The following ERBB4 variants were observed in gnomAD, a reference collection of about 807,000 sequenced individuals.
ERBB4 encodes the protein receptor tyrosine-protein kinase erbB-4.
ERBB4 carries 42 observed loss-of-function variants against 158.0 expected under a neutral mutation model. The ratio of observed to expected loss-of-function variants is 0.27; its 90% CI spans 0.21 to 0.34. The LOEUF is 0.34. Ranked by LOEUF, ERBB4 falls within the 10% of genes least tolerant of loss-of-function variation. The pLI, the probability that ERBB4 is intolerant of heterozygous loss-of-function variation, is 1.00. For synonymous variants in ERBB4, 583 were observed against 558.7 expected, an observed-to-expected ratio of 1.04 and a Z score of -0.61; for missense variants, 1,333 against 1,624.1, an observed-to-expected ratio of 0.82 and a Z score of 3.08.
chr2:212,375,531 T>A (rs538067319), intron 1 of ERBB4, among the ~76,000 whole-genome samples: 11 of 152,222 alleles, frequency 7.2e-5, no homozygotes, highest in Admixed American at 3.9e-4. Flanking sequence ...GCTGGGCAAC[T>A]ACATATCTGA....
intron 3 of ERBB4, among the ~76,000 whole-genome samples, chr2:211,900,373 AACAC>A (rs72160363): frequency 0.026 from 3,812 of 148,582 alleles, 157 homozygotes; most frequent in African/African-American, 0.088. Context: ...TTTATGTTTA[AACAC>A]ACACACACAC....
At chr2:212,146,873 T>C (rs1273851324) in intron 1 of ERBB4, among the ~76,000 whole-genome samples, 1 of 151,864 alleles carries the variant, frequency 6.6e-6, no homozygotes, top group African/African-American at 2.4e-5. Context: ...AGAATCTCTC[T>C]ATCTAAAAAG....
intron 3 of ERBB4, among the ~76,000 whole-genome samples, chr2:211,875,025 C>CAAAAAAA (rs746636278): frequency 8.9e-4 from 24 of 27,002 alleles, no homozygotes; most frequent in South Asian, 1.9e-3. Flanking sequence ...AATAGAAATG[C>CAAAAAAA]AAAAAAAAAA....
chr2:211,645,880 T>C (rs886822140), intron 16 of ERBB4, among the ~76,000 whole-genome samples: 2 of 151,768 alleles, frequency 1.3e-5, no homozygotes, highest in Non-Finnish European at 3.0e-5. Flanking sequence ...TATTTTCATG[T>C]ATTTTAATTA....
intron 19 of ERBB4, among the ~76,000 whole-genome samples, chr2:211,562,795 G>T (rs372579777): frequency 4.8e-5 from 5 of 103,196 alleles, no homozygotes; most frequent in South Asian, 4.9e-4. Flanking sequence ...TTTTTGAGAC[G>T]GAGTCTCGCT....
At chr2:212,013,212 A>G (rs1291273057) in intron 2 of ERBB4, among the ~76,000 whole-genome samples, 6 of 151,728 alleles carry the variant, frequency 4.0e-5, no homozygotes, top group African/African-American at 1.5e-4. Flanking sequence ...ACTCACCCCA[A>G]CGCCCAACTA....
chr2:211,988,674 T>A lies in ERBB4; in HGVS notation c.235-41058A>T, dbSNP rs7566569. On this transcript the variant is annotated intron_variant, in intron 2 of 27. Transcript: ENST00000342788. ...TCCAGTGAGCCCAGTTAATGTTACA[T>A]CATCTACCCAAGCAAAAGACTATGC... 3.7e-3 allele frequency among the ~76,000 whole-genome samples: 556 copies of A among 152,172 alleles called. 2 individuals carry two copies. The highest frequency in any genetic ancestry group is 0.013 in the African/African-American group (531 of 41,582).
intron 1 of ERBB4, among the ~76,000 whole-genome samples, chr2:212,474,882 T>C (rs550252278): frequency 7.1e-6 from 1 of 140,624 alleles, no homozygotes; most frequent in African/African-American, 2.7e-5. Context: ...AACCTCCTGA[T>C]GGGCTCAAGG....
intron 19 of ERBB4, among the ~76,000 whole-genome samples, chr2:211,587,919 C>T (rs74824022): frequency 0.011 from 1,669 of 152,144 alleles, 39 homozygotes; most frequent in African/African-American, 0.038. Flanking sequence ...TTCTTAATTG[C>T]GGCATTGTTT....
intron 19 of ERBB4, among the ~76,000 whole-genome samples, chr2:211,580,899 AT>A (rs1274124455): frequency 7.2e-4 from 4 of 5,584 alleles, no homozygotes; most frequent in African/African-American, 2.4e-3. Context: ...ATATATATAT[AT>A]ATATATATAT....
At chr2:211,744,304 T>A (rs2074894207) in intron 5 of ERBB4, among the ~76,000 whole-genome samples, 1 of 152,262 alleles carries the variant, frequency 6.6e-6, no homozygotes, top group African/African-American at 2.4e-5. Context: ...TTACTGAAAA[T>A]GTACTAACTT....
intron 1 of ERBB4, among the ~76,000 whole-genome samples, chr2:212,392,162 C>G (rs574428479): frequency 2.6e-5 from 4 of 151,930 alleles, no homozygotes; most frequent in African/African-American, 9.6e-5. Flanking sequence ...CTCTGTTTCT[C>G]CTAATCCATA....
chr2:212,027,379 T>C (rs763983657), intron 2 of ERBB4, among the ~76,000 whole-genome samples: 6 of 152,120 alleles, frequency 3.9e-5, no homozygotes, highest in Non-Finnish European at 5.9e-5. Context: ...GTATTTATTT[T>C]TTTATTTCAT....
chr2:212,051,682 G>A (rs1030516392), intron 2 of ERBB4, among the ~76,000 whole-genome samples: 3 of 152,068 alleles, frequency 2.0e-5, no homozygotes, highest in Non-Finnish European at 4.4e-5. Context: ...AAACTATAAT[G>A]TGGTCACTTT....
intron 20 of ERBB4, among the ~76,000 whole-genome samples, chr2:211,501,250 A>G (rs1367820420): frequency 6.6e-6 from 1 of 151,946 alleles, no homozygotes; most frequent in Non-Finnish European, 1.5e-5. Flanking sequence ...ACAAAAATAT[A>G]TTTAGATGGA....
intron 1 of ERBB4, among the ~76,000 whole-genome samples, chr2:212,206,586 G>GTTTTTTTTTT (rs1393759656): frequency 4.5e-5 from 3 of 66,760 alleles, no homozygotes; most frequent in African/African-American, 9.9e-5. Flanking sequence ...CGTCTGTTCT[G>GTTTTTTTTTT]TTCTTTTTTT....
At position 211,577,425 on chromosome 2, in the gene ERBB4, A is replaced by G. The variant is rs115022705; in HGVS notation, c.2302-15337T>C. 2.9e-3 allele frequency among the ~76,000 whole-genome samples: 439 copies of G among 152,228 alleles called. 1 individual carries two copies. Among genetic ancestry groups the G allele is most frequent in the Middle Eastern group, 0.01 (3 of 294 alleles). ...TCAAGTACCTTGTCTTGCGGTGGAT[A>G]AAAATATGATCTACATTCTTCCCTA... On this transcript the variant is annotated intron_variant, in intron 19 of 27. Coordinates refer to ENST00000342788, the MANE Select transcript of ERBB4 (RefSeq NM_005235.3).
intron 2 of ERBB4, among the ~76,000 whole-genome samples, chr2:212,004,116 GATAAA>G (rs1403254875): frequency 2.0e-5 from 3 of 152,010 alleles, no homozygotes; most frequent in African/African-American, 7.2e-5. Context: ...TATGATAATA[GATAAA>G]ATAAACTATG....
intron 2 of ERBB4, among the ~76,000 whole-genome samples, chr2:212,097,247 A>C (rs1184343341): frequency 6.6e-6 from 1 of 152,112 alleles, no homozygotes; most frequent in Non-Finnish European, 1.5e-5. Flanking sequence ...GATGCTGCAG[A>C]AGGGAGAGGG....
Sources: allele counts gnomAD v4.1 joint callset (sites outside exome capture counted in the v4.1 genomes callset), GRCh38; gene constraint gnomAD v4.1.1; transcripts MANE v1.5; gene names NCBI Gene and HGNC (gene_info 2026-07-23, HGNC 2026-07-21).